DNAJC10: variants seen among roughly 807,000 people sequenced by gnomAD.
DNAJC10 encodes the protein DnaJ heat shock protein family (Hsp40) member C10.
A neutral mutation model predicts 115.0 loss-of-function variants in DNAJC10; 101 were observed. The observed-to-expected ratio is 0.88, with a 90% CI of 0.75 to 1.04. The LOEUF (loss-of-function observed/expected upper bound fraction) is 1.04. Among genes scored for constraint, DNAJC10 ranks in the 50% least tolerant of loss-of-function variants. The probability of loss-of-function intolerance (pLI) is 0.00; values close to 1 mark genes in which losing one functional copy is unlikely to be tolerated. For missense variants in DNAJC10, 981 were observed against 928.8 expected, an observed-to-expected ratio of 1.06 and a Z score of -0.73; for synonymous variants, 307 against 301.5, an observed-to-expected ratio of 1.02 and a Z score of -0.19.
Position 182,736,404 on chromosome 2 carries a change from C to G in DNAJC10, c.987+18C>G. On this transcript the variant is annotated intron_variant, in intron 11 of 23. Transcript: ENST00000264065. ...GTATTTTGGTATGAATCACTTTAAA[C>G]TAATTTATTTACATATAATGTGCAA... 1 of 1,522,582 alleles carries G rather than the reference C, an allele frequency of 6.6e-7. No homozygotes were observed. The highest frequency in any genetic ancestry group is 8.8e-7 in the Non-Finnish European group (1 of 1,136,446). The allele number at this position is 1,522,582 out of a possible 1,614,324, so 94.3% of individuals were successfully genotyped here.
At position 182,720,020 on chromosome 2, in the gene DNAJC10, C is replaced by T. The variant is rs774221574; in HGVS notation, c.218C>T (p.Ala73Val). Residue 73 changes from alanine to valine, a missense_variant, in exon 4 of 24, where the codon GCA (alanine) becomes GTA (valine). Ala to Val is a moderately conservative substitution (Grantham distance 64, BLOSUM62 0). Coordinates refer to ENST00000264065, the MANE Select transcript of DNAJC10 (RefSeq NM_018981.4). ...ATTTTTTAACAGAATAACCCAAATG[C>T]ACATGGCGATTTTTTAAAAATAAAT... Reference protein sequence around the residue: ...HPDKNPNNPNAHGDFLKINRA... With the variant: ...HPDKNPNNPNVHGDFLKINRA... 1 of 1,550,180 alleles carries T rather than the reference C, an allele frequency of 6.5e-7. No homozygotes were observed. The highest frequency in any genetic ancestry group is 1.2e-5 in the South Asian group (1 of 86,392).
rs1027588868 is a variant in DNAJC10 at position 182,721,924 on chromosome 2, A to C, written c.368-101A>C. ...CTCTAAGTTTGAGATATAATATAGT[A>C]GTTTGATTTTTTTGATGATTAAAAC... On this transcript the variant is annotated intron_variant, in intron 4 of 23. Coordinates refer to ENST00000264065, the MANE Select transcript of DNAJC10 (RefSeq NM_018981.4). The C allele has an allele frequency of 1.2e-4, 77 of 629,862 alleles. 2 individuals are homozygous for C. Among genetic ancestry groups the C allele is most frequent in the Middle Eastern group, 8.9e-4 (2 of 2,244 alleles). The allele number at this position is 629,862 out of a possible 1,614,324, so 39.0% of individuals were successfully genotyped here. A position where few individuals can be genotyped will look rare whatever the true frequency, so the allele number is the denominator to read the frequency against.
At chr2:182,766,828 G>T (rs149936981) in intron 22 of DNAJC10, among the ~76,000 whole-genome samples, 3 of 152,138 alleles carry the variant, frequency 2.0e-5, no homozygotes, top group Non-Finnish European at 4.4e-5. Context: ...CTGTCACTTG[G>T]GCGGCCTCTA....
intron 10 of DNAJC10, among the ~76,000 whole-genome samples, chr2:182,732,951 C>T (rs1051095132): frequency 6.6e-6 from 1 of 151,838 alleles, no homozygotes; most frequent in African/African-American, 2.4e-5. Context: ...CCCTTTGTGG[C>T]TTTGTGGCTT....
rs532420162 is a variant in DNAJC10, at chr2:182,732,376, A to G, written c.806-123A>G. 1.3e-4 allele frequency: 115 copies of G among 856,740 alleles called. No individual in the cohort carries two copies. The African/African-American group carries it at 1.6e-3, about 12-fold the overall frequency. 53.1% of individuals were successfully genotyped at this position (856,740 alleles called of 1,614,324 possible). A position where few individuals can be genotyped will look rare whatever the true frequency, so the allele number is the denominator to read the frequency against. On this transcript the variant is annotated intron_variant, in intron 9 of 23. Transcript: ENST00000264065. ...TGTAGAAGGATTTCCATATCTATCA[A>G]TAGAGTCCAGCTCAATTAATTGCCT...
chr2:182,721,792 C>T (rs373796455), intron 4 of DNAJC10, among the ~76,000 whole-genome samples: 32 of 151,940 alleles, frequency 2.1e-4, no homozygotes, highest in Non-Finnish European at 3.4e-4. Context: ...TACGAACTAC[C>T]GCATACACAT....
At position 182,753,750 on chromosome 2, in the gene DNAJC10, CT is replaced by C. The variant is rs543956746; in HGVS notation, c.1552-1248del. Among the ~76,000 whole-genome samples, 340 of 151,634 alleles carry C rather than the reference CT, an allele frequency of 2.2e-3. 3 individuals carry two copies. The highest frequency in any genetic ancestry group is 3.5e-3 in the Non-Finnish European group (236 of 67,816). Reference sequence around the variant, plus strand: ...GGCACCCGCCACCACGTCCGGCTAACTTTTTGTATTTTTAGTAGAGATGGGG... The same window carrying C: ...GGCACCCGCCACCACGTCCGGCTAACTTTTGTATTTTTAGTAGAGATGGGG... On this transcript the variant is annotated intron_variant, in intron 16 of 23. Transcript: ENST00000264065.
chr2:182,775,855 A>G (rs1694692121), intron 23 of DNAJC10, among the ~76,000 whole-genome samples: 1 of 152,206 alleles, frequency 6.6e-6, no homozygotes, highest in Admixed American at 6.5e-5. Context: ...GCCAGTCACA[A>G]AGGCCAAATA....
rs774717908 is a variant in DNAJC10 at position 182,751,744 on chromosome 2, G to C, written c.1393G>C (p.Ala465Pro). The change falls in exon 15 of 24, where the codon GCC (alanine) becomes CCC (proline). Residue 465 changes from alanine to proline, a missense_variant. Coordinates refer to ENST00000264065, the MANE Select transcript of DNAJC10 (RefSeq NM_018981.4). ...VTTLGPQNFP[A>P]NDKEPWLVDF... ...CACGCTTGGACCTCAAAATTTTCCT[G>C]CCAATGACAAAGAACCATGGCTTGT... 1 of 1,613,922 alleles carries C rather than the reference G, an allele frequency of 6.2e-7. No individual in the cohort carries two copies. Among genetic ancestry groups the C allele is most frequent in the South Asian group, 1.1e-5 (1 of 91,050 alleles).
chr2:182,771,594 G>A (rs1274826136), intron 22 of DNAJC10, among the ~76,000 whole-genome samples: 1 of 152,110 alleles, frequency 6.6e-6, no homozygotes, highest in African/African-American at 2.4e-5. Context: ...ATTTCTTCTA[G>A]CTTTTCTAGT....
intron 21 of DNAJC10, 151 bp from the exon 22 acceptor site, chr2:182,762,531 G>C (rs1694311326): frequency 2.6e-6 from 2 of 767,538 alleles, no homozygotes; most frequent in Non-Finnish European, 4.0e-6. Context: ...GGCTTAAAGG[G>C]ATAATGTGGA....
intron 7 of DNAJC10, among the ~76,000 whole-genome samples, chr2:182,729,292 G>A (rs1029842683): frequency 6.6e-6 from 1 of 152,066 alleles, no homozygotes; most frequent in Non-Finnish European, 1.5e-5. Context: ...GGGACTACAG[G>A]CACCCGCTCC....
intron 5 of DNAJC10, 88 bp from the exon 6 acceptor site, chr2:182,728,487 AT>A: frequency 1.2e-6 from 1 of 826,476 alleles, no homozygotes. Flanking sequence ...ACTTTTTAAA[AT>A]TCTGATCTCC....
chr2:182,731,200 T>C, intron 9 of DNAJC10, 93 bp downstream of exon 9: 2 of 783,896 alleles, frequency 2.6e-6, no homozygotes, highest in Non-Finnish European at 4.1e-6. Flanking sequence ...GATTATTAAG[T>C]ACTAGAAACT....
chr2:182,737,633 A>G (rs1335900372), intron 11 of DNAJC10, among the ~76,000 whole-genome samples: 2 of 152,122 alleles, frequency 1.3e-5, no homozygotes, highest in East Asian at 1.9e-4. Flanking sequence ...GTGTATGTAT[A>G]TGTGTGTGTG....
chr2:182,718,132 A>G lies in DNAJC10; in HGVS notation c.46A>G (p.Arg16Gly). The G allele has an allele frequency of 6.2e-7, 1 of 1,612,526 alleles. No individual in the cohort carries two copies. The highest frequency in any genetic ancestry group is 1.1e-5 in the South Asian group (1 of 90,662). ...NKDDYIRDLKRIILCFLIVYM... is the reference protein window; with the variant it reads ...NKDDYIRDLKGIILCFLIVYM... The stretch of plus-strand genomic sequence containing the variant: ...AGATGACTATATCAGAGACTTGAAA[A>G]GGATCATTCTCTGTTTTCTGATAGT... Residue 16 changes from arginine (R) to glycine (G), a missense_variant, in exon 3 of 24, where the codon AGG becomes GGG. Transcript: ENST00000264065.
chr2:182,756,413 T>A lies in DNAJC10; in HGVS notation c.1753T>A (p.Ser585Thr), dbSNP rs1230562558. ...CGAAGTCTGGATGGTTGATTTCTAT[T>A]CTCCGTGGTGTCATCCTTGCCAAGT... ...HNEVWMVDFY[S>T]PWCHPCQVLM... The change falls in exon 18 of 24, where the codon TCT (serine) becomes ACT (threonine). Residue 585 changes from serine (S) to threonine (T), a missense_variant. Transcript: ENST00000264065. 2 of 1,613,914 alleles carry A rather than the reference T, an allele frequency of 1.2e-6. No individual in the cohort carries two copies. The highest frequency in any genetic ancestry group is 2.2e-5 in the East Asian group (1 of 44,876).
intron 3 of DNAJC10, among the ~76,000 whole-genome samples, chr2:182,719,798 C>CTT (rs35682380): frequency 0.14 from 17,695 of 122,080 alleles, 1,659 homozygotes; most frequent in Non-Finnish European, 0.19. Flanking sequence ...ACTTTTCTTA[C>CTT]TTTTTTTTTT....
intron 15 of DNAJC10, 116 bp from the exon 16 acceptor site, chr2:182,751,956 G>A (rs749435811): frequency 1.7e-6 from 2 of 1,202,566 alleles, no homozygotes; most frequent in South Asian, 2.8e-5. Context: ...CTCCTCCAGG[G>A]AAGGTTTGCC....
Sources: gnomAD v4.1 joint callset for allele counts (sites outside exome capture counted in the v4.1 genomes callset) on GRCh38, gnomAD v4.1.1 for gene constraint, MANE v1.5 for transcripts, NCBI Gene and HGNC (gene_info 2026-07-23, HGNC 2026-07-21) for gene names.